The following KIAA0513 variants were observed in gnomAD, a reference collection of about 807,000 sequenced individuals.
The protein encoded by KIAA0513 is uncharacterized protein KIAA0513.
Under a neutral mutation model 56.5 loss-of-function variants are expected in KIAA0513, and 39 were observed. The ratio of observed to expected loss-of-function variants is 0.69; its 90% CI spans 0.53 to 0.90. KIAA0513 has a LOEUF of 0.90. Ranked by LOEUF, KIAA0513 falls within the 40% of genes least tolerant of loss-of-function variation. The pLI is 0.00. For synonymous variants in KIAA0513, 268 were observed against 215.6 expected, an observed-to-expected ratio of 1.24 and a Z score of -2.13; for missense variants, 591 against 535.2, an observed-to-expected ratio of 1.10 and a Z score of -1.03.
chr16:85,035,347 C>T (rs2073020832), intron 1 of KIAA0513, among the ~76,000 whole-genome samples: 1 of 152,220 alleles, frequency 6.6e-6, no homozygotes, highest in African/African-American at 2.4e-5. Context: ...GTAGCACAGG[C>T]AGCTGGTGGT....
rs1049255240 is a variant in KIAA0513 at position 85,076,201 on chromosome 16, C to T, written c.574+287C>T. Among the ~76,000 whole-genome samples the T allele has an allele frequency of 6.6e-6, 1 of 152,158 alleles. No individual in the cohort carries two copies. Among genetic ancestry groups the T allele is most frequent in the African/African-American group, 2.4e-5 (1 of 41,412 alleles). ...GGTAGGAGATGAGAAAAGAAACAAG[C>T]TAGGCAGGACATTTCATGGTGGAAA... On this transcript the variant is annotated intron_variant, in intron 5 of 12. Transcript: ENST00000683363. The surrounding 1 kb of genome is among the most constrained non-coding windows in gnomAD (Gnocchi z 4.7).
rs1482936483 is a variant in KIAA0513 at position 85,089,156 on chromosome 16, T to G, written c.*831T>G. 6.6e-6 allele frequency: 1 copy of G among 152,252 alleles called. No homozygotes were observed. The highest frequency in any genetic ancestry group is 2.4e-5 in the African/African-American group (1 of 41,466). 9.4% of individuals were successfully genotyped at this position (152,252 alleles called of 1,614,324 possible). On this transcript the variant is annotated 3_prime_UTR_variant, in exon 13 of 13. Transcript: ENST00000683363. The surrounding 1 kb of genome is among the most constrained non-coding windows in gnomAD (Gnocchi z 4.2). ...GGTCACGAAGCAGCGTTGTGCTGTG[T>G]GTCCCTCGCAAGAAGCACAGGAAAG...
intron 1 of KIAA0513, among the ~76,000 whole-genome samples, chr16:85,052,118 G>A (rs1224670513): frequency 6.6e-6 from 1 of 152,058 alleles, no homozygotes; most frequent in Non-Finnish European, 1.5e-5. Flanking sequence ...TCAACAGATC[G>A]AGACCGTCCT....
At chr16:85,074,343 T>TATATATACACACAC (rs2073625115) in intron 4 of KIAA0513, among the ~76,000 whole-genome samples, 14 of 130,572 alleles carry the variant, frequency 1.1e-4, no homozygotes, top group African/African-American at 4.1e-4. Flanking sequence ...TATACACACA[T>TATATATACACACAC]ACACACACAC....
At chr16:85,074,363 C>CAT (rs139843220) in intron 4 of KIAA0513, among the ~76,000 whole-genome samples, 186 of 150,780 alleles carry the variant, frequency 1.2e-3, no homozygotes, top group Middle Eastern at 0.01. Context: ...CACACACACA[C>CAT]ATATATATTT....
At chr16:85,084,644 G>A (rs1381610845) in intron 10 of KIAA0513, among the ~76,000 whole-genome samples, 2 of 152,128 alleles carry the variant, frequency 1.3e-5, no homozygotes, top group Non-Finnish European at 2.9e-5. Context: ...GGTCAGGCTG[G>A]CCTCAAACTC....
At chr16:85,084,721 G>T (rs189634272) in intron 10 of KIAA0513, among the ~76,000 whole-genome samples, 1 of 149,862 alleles carries the variant, frequency 6.7e-6, no homozygotes, top group Non-Finnish European at 1.5e-5. Context: ...GAGCCACTGC[G>T]CCCGGCCTAA....
chr16:85,066,979 G>T lies in KIAA0513; in HGVS notation c.-93G>T, dbSNP rs896026573. On this transcript the variant is annotated 5_prime_UTR_variant, in exon 2 of 13. Transcript: ENST00000683363. The stretch of plus-strand genomic sequence containing the variant: ...TTACTGGCAACTTGTGAGCTTGGTG[G>T]GCTCCTACTAACGCACCTGGGACAC... 3.6e-6 allele frequency: 4 copies of T among 1,113,126 alleles called. No homozygotes were observed. The highest frequency in any genetic ancestry group is 3.8e-6 in the Non-Finnish European group (3 of 790,656). The allele number at this position is 1,113,126 out of a possible 1,614,324, so 69.0% of individuals were successfully genotyped here. A position where few individuals can be genotyped will look rare whatever the true frequency, so the allele number is the denominator to read the frequency against.
chr16:85,085,046 A>G (rs919540829), intron 10 of KIAA0513, among the ~76,000 whole-genome samples: 3 of 152,068 alleles, frequency 2.0e-5, no homozygotes, highest in African/African-American at 7.2e-5. Context: ...GTGCTGTACA[A>G]CTCCCAAGGG....
At chr16:85,034,587 C>T (rs2073009604) in intron 1 of KIAA0513, among the ~76,000 whole-genome samples, 1 of 152,106 alleles carries the variant, frequency 6.6e-6, no homozygotes, top group Admixed American at 6.6e-5. Context: ...AGGGCAAGTA[C>T]AGAGGACTCA....
At chr16:85,030,752 A>G (rs916108600) in intron 1 of KIAA0513, among the ~76,000 whole-genome samples, 1 of 152,036 alleles carries the variant, frequency 6.6e-6, no homozygotes, top group African/African-American at 2.4e-5. Flanking sequence ...TAAAAAAAAA[A>G]AAAAAAGACA....
chr16:85,051,215 G>C (rs1024246094), intron 1 of KIAA0513, among the ~76,000 whole-genome samples: 1 of 152,154 alleles, frequency 6.6e-6, no homozygotes, highest in East Asian at 1.9e-4. Context: ...TCTTCGTGGA[G>C]AACTTAATGC....
chr16:85,077,621 C>T lies in KIAA0513; in HGVS notation c.771C>T (p.Ala257=), dbSNP rs762787345. The T allele has an allele frequency of 2.5e-6, 4 of 1,611,004 alleles. No homozygotes were observed. The highest frequency in any genetic ancestry group is 1.1e-5 in the South Asian group (1 of 90,760). ...AGACCAAGCTGAAGGGGCCCCTGGC[C>T]AGGAGGAACGAGTACGTGTGGCCTT... ...GLETKLKGPL[A]RRNEEDENKP... is the part of the protein sequence containing the mutation. Residue 257 remains alanine (A), a synonymous_variant, in exon 6 of 13, where the codon GCC becomes GCT. Transcript: ENST00000683363.
chr16:85,044,479 C>T (rs1277887553), intron 1 of KIAA0513, among the ~76,000 whole-genome samples: 1 of 152,006 alleles, frequency 6.6e-6, no homozygotes, highest in Non-Finnish European at 1.5e-5. Context: ...CCATCCACCA[C>T]CACAAAGTAA....
intron 1 of KIAA0513, among the ~76,000 whole-genome samples, chr16:85,054,177 G>A (rs2073294774): frequency 6.6e-6 from 1 of 151,932 alleles, no homozygotes; most frequent in Non-Finnish European, 1.5e-5. Context: ...ATTAAACACT[G>A]CCGTTTACAC....
intron 1 of KIAA0513, among the ~76,000 whole-genome samples, chr16:85,050,652 C>A (rs1429609112): frequency 6.6e-6 from 1 of 152,198 alleles, no homozygotes; most frequent in Non-Finnish European, 1.5e-5. Context: ...TTCTTTTCTT[C>A]CCTCCCCAAT....
At chr16:85,086,597 G>A (rs1247526249) in intron 10 of KIAA0513, 47 bp from the exon 11 acceptor site, 1 of 1,561,212 alleles carries the variant, frequency 6.4e-7, no homozygotes, top group Non-Finnish European at 8.8e-7. Context: ...GCTGGGGCAA[G>A]GACAGCACCA....
intron 1 of KIAA0513, among the ~76,000 whole-genome samples, chr16:85,037,828 C>T (rs148634679): frequency 6.6e-6 from 1 of 152,158 alleles, no homozygotes; most frequent in Admixed American, 6.5e-5. Flanking sequence ...TAGCATCTCT[C>T]ACGTCCTCTC....
chr16:85,047,514 C>T (rs141834112), intron 1 of KIAA0513, among the ~76,000 whole-genome samples: 1 of 152,208 alleles, frequency 6.6e-6, no homozygotes, highest in African/African-American at 2.4e-5. Context: ...AAAAAGCCAG[C>T]GGGTTTTTCA....
Sources: gnomAD v4.1 joint callset for allele counts (sites outside exome capture counted in the v4.1 genomes callset) on GRCh38, gnomAD v4.1.1 for gene constraint, Gnocchi (gnomAD v3.1) non-coding constraint, MANE v1.5 for transcripts, NCBI Gene and HGNC (gene_info 2026-07-23, HGNC 2026-07-21) for gene names.